The following MSRB3 variants were observed in gnomAD, a reference collection of about 807,000 sequenced individuals.
The protein encoded by MSRB3 is methionine-R-sulfoxide reductase B3.
MSRB3 carries 13 observed loss-of-function variants against 21.0 expected under a neutral mutation model. The ratio of observed to expected loss-of-function variants is 0.62; its 90% CI spans 0.40 to 0.98. The LOEUF (loss-of-function observed/expected upper bound fraction) is 0.98, where lower values mean the gene tolerates loss of function less well. Ranked by LOEUF, MSRB3 falls within the 50% of genes least tolerant of loss-of-function variation. The pLI is 0.00. For synonymous variants in MSRB3, 87 were observed against 88.6 expected (o/e 0.98, Z 0.10); for missense variants, 199 against 230.3 (o/e 0.86, Z 0.88).
intron 4 of MSRB3, among the ~76,000 whole-genome samples, chr12:65,336,971 C>T (rs940781056): frequency 1.3e-5 from 2 of 152,176 alleles, no homozygotes; most frequent in African/African-American, 4.8e-5. Context: ...AGGCTGGGCG[C>T]GGTGGCTCAC....
chr12:65,334,118 G>C (rs1592534251), intron 4 of MSRB3, among the ~76,000 whole-genome samples: 2 of 152,190 alleles, frequency 1.3e-5, no homozygotes, highest in African/African-American at 4.8e-5. Flanking sequence ...TTGAGACCTT[G>C]AGGAACCACA....
intron 5 of MSRB3, among the ~76,000 whole-genome samples, chr12:65,372,697 C>T (rs913233258): frequency 2.6e-5 from 4 of 152,178 alleles, no homozygotes; most frequent in African/African-American, 9.7e-5. Context: ...AGTGATTAAA[C>T]ATGAAAGCCA....
chr12:65,291,782 G>A (rs1872680072), intron 1 of MSRB3, among the ~76,000 whole-genome samples: 1 of 152,172 alleles, frequency 6.6e-6, no homozygotes, highest in Non-Finnish European at 1.5e-5. Context: ...AGAGTTTAGG[G>A]CAAAGAAGAA....
chr12:65,351,664 A>G (rs1227867266), intron 4 of MSRB3, among the ~76,000 whole-genome samples: 4 of 149,212 alleles, frequency 2.7e-5, no homozygotes, highest in Admixed American at 1.3e-4. Context: ...ACAAACTACC[A>G]TCAGAGAATA....
At chr12:65,392,103 C>T (rs1380231405) in intron 5 of MSRB3, among the ~76,000 whole-genome samples, 2 of 152,096 alleles carry the variant, frequency 1.3e-5, no homozygotes, top group East Asian at 1.9e-4. Flanking sequence ...TGAATCTTAG[C>T]CACACATAAA....
intron 5 of MSRB3, among the ~76,000 whole-genome samples, chr12:65,391,091 A>G (rs759734511): frequency 6.6e-6 from 1 of 152,194 alleles, no homozygotes; most frequent in Admixed American, 6.5e-5. Context: ...TGATTTGCAC[A>G]GGGTTTTCCA....
intron 5 of MSRB3, among the ~76,000 whole-genome samples, chr12:65,429,805 G>A (rs757067714): frequency 6.6e-6 from 1 of 152,192 alleles, no homozygotes; most frequent in Non-Finnish European, 1.5e-5. Flanking sequence ...GATGATTGCA[G>A]AGGAACTGGA....
intron 1 of MSRB3, chr12:65,307,151 A>G: frequency 2.1e-6 from 1 of 483,254 alleles, no homozygotes; most frequent in Non-Finnish European, 2.7e-6. Flanking sequence ...AGTCTGCTCC[A>G]AAGGAATGCT....
chr12:65,364,812 C>CGTTTT (rs1877913234), intron 4 of MSRB3, among the ~76,000 whole-genome samples: 4 of 152,100 alleles, frequency 2.6e-5, no homozygotes, highest in African/African-American at 9.7e-5. Flanking sequence ...TAACTTAAAA[C>CGTTTT]AACAAAGGAC....
At chr12:65,287,889 A>C (rs143729322) in intron 1 of MSRB3, among the ~76,000 whole-genome samples, 1 of 152,236 alleles carries the variant, frequency 6.6e-6, no homozygotes, top group East Asian at 1.9e-4. Context: ...AACATTTGAC[A>C]GTGAATTGGA....
At chr12:65,320,197 GAT>G (rs1256174114) in intron 2 of MSRB3, among the ~76,000 whole-genome samples, 1 of 152,030 alleles carries the variant, frequency 6.6e-6, no homozygotes, top group Non-Finnish European at 1.5e-5. Flanking sequence ...GACATATAAA[GAT>G]ATGATTTTTC....
intron 5 of MSRB3, among the ~76,000 whole-genome samples, chr12:65,391,285 C>G (rs572659738): frequency 6.6e-6 from 1 of 152,250 alleles, no homozygotes; most frequent in South Asian, 2.1e-4. Flanking sequence ...GGTAGATTGT[C>G]TCATAATATT....
chr12:65,366,973 G>A (rs1330621271), intron 4 of MSRB3, among the ~76,000 whole-genome samples: 1 of 152,196 alleles, frequency 6.6e-6, no homozygotes, highest in Non-Finnish European at 1.5e-5. Flanking sequence ...GGGACAGGAG[G>A]AGGAGGGGAA....
chr12:65,326,506 G>GA (rs145884019), intron 2 of MSRB3, among the ~76,000 whole-genome samples: 174 of 149,050 alleles, frequency 1.2e-3, no homozygotes, highest in African/African-American at 3.1e-3. Flanking sequence ...GAATTTATTT[G>GA]AAAAAAAAAG....
chr12:65,417,761 C>T (rs1395339490), intron 5 of MSRB3, among the ~76,000 whole-genome samples: 2 of 152,178 alleles, frequency 1.3e-5, no homozygotes, highest in African/African-American at 4.8e-5. Context: ...TGGCTTGTTT[C>T]AATTAACATA....
rs770392111 is a variant in MSRB3, at chr12:65,463,205, G to A, written c.441G>A (p.Gly147=). ...TTGATGATGGGCCTCGTCCAACTGG[G>A]AAAAGATACTGCATAAATTCGGCTG... ...HIFDDGPRPT[G]KRYCINSAAL... is the part of the protein sequence containing the mutation. Residue 147 remains glycine, a synonymous_variant, in exon 7 of 7, where the codon GGG becomes GGA. Transcript: ENST00000308259. 6.2e-7 allele frequency: 1 copy of A among 1,614,186 alleles called. No individual in the cohort carries two copies. The highest frequency in any genetic ancestry group is 1.1e-5 in the South Asian group (1 of 91,084).
intron 5 of MSRB3, among the ~76,000 whole-genome samples, chr12:65,386,242 A>G (rs1034707646): frequency 1.3e-5 from 2 of 151,942 alleles, no homozygotes; most frequent in Non-Finnish European, 2.9e-5. Context: ...AAATGGTTCT[A>G]GATAGCAAAT....
intron 5 of MSRB3, among the ~76,000 whole-genome samples, chr12:65,450,074 T>A (rs1882789647): frequency 6.6e-6 from 1 of 151,918 alleles, no homozygotes; most frequent in Non-Finnish European, 1.5e-5. Context: ...TTTATTAAGC[T>A]ACATTATGGG....
At chr12:65,350,468 C>A (rs1423331089) in intron 4 of MSRB3, among the ~76,000 whole-genome samples, 1 of 151,084 alleles carries the variant, frequency 6.6e-6, no homozygotes, top group South Asian at 2.1e-4. Context: ...ACAATATTAA[C>A]TTTAAATGTA....
Sources: allele counts gnomAD v4.1 joint callset (sites outside exome capture counted in the v4.1 genomes callset), GRCh38; gene constraint gnomAD v4.1.1; transcripts MANE v1.5; gene names NCBI Gene and HGNC (gene_info 2026-07-23, HGNC 2026-07-21).